Variants in SH2D7 observed in about 807,000 individuals in gnomAD.
The protein encoded by SH2D7 is SH2 domain containing 7.
In SH2D7, 32 loss-of-function variants were observed where a neutral mutation model predicts 40.8. That is an observed-to-expected ratio of 0.78 (90% CI 0.59 to 1.05). SH2D7 has a LOEUF of 1.05. Ranked by LOEUF, SH2D7 falls within the 50% of genes least tolerant of loss-of-function variation. SH2D7 has a pLI of 0.00. For missense variants in SH2D7, 559 were observed against 566.6 expected (o/e 0.99, Z 0.14); for synonymous variants, 195 against 221.5 (o/e 0.88, Z 1.06).
At chr15:78,097,707 C>T (rs974288973) in intron 2 of SH2D7, among the ~76,000 whole-genome samples, 9 of 152,168 alleles carry the variant, frequency 5.9e-5, no homozygotes, top group African/African-American at 2.2e-4. Flanking sequence ...GGCTTAGGTA[C>T]TTCCCAGGAT....
intron 2 of SH2D7, among the ~76,000 whole-genome samples, chr15:78,096,811 A>C (rs757673755): frequency 5.9e-5 from 9 of 152,088 alleles, no homozygotes; most frequent in Non-Finnish European, 8.8e-5. Flanking sequence ...CATTGCAATA[A>C]TTTTAGAAAG....
At chr15:78,090,389 C>A (rs2073933256), upstream of SH2D7, among the ~76,000 whole-genome samples, 1 of 152,038 alleles carries the variant, frequency 6.6e-6, no homozygotes, top group African/African-American at 2.4e-5. Flanking sequence ...GCCTGGGCGA[C>A]AGAGCGAGGC....
intron 4 of SH2D7, among the ~76,000 whole-genome samples, chr15:78,099,805 A>C (rs1410827409): frequency 6.6e-6 from 1 of 151,864 alleles, no homozygotes; most frequent in Non-Finnish European, 1.5e-5. Flanking sequence ...CTTCTAGATC[A>C]TCCTTGAACA....
intron 1 of SH2D7, 73 bp from the exon 2 acceptor site, chr15:78,094,039 G>A: frequency 1.4e-6 from 2 of 1,446,906 alleles, no homozygotes; most frequent in Non-Finnish European, 1.9e-6. Flanking sequence ...GGGATTCCAA[G>A]AGAGGCCTAA....
intron 2 of SH2D7, among the ~76,000 whole-genome samples, chr15:78,097,585 T>C (rs1369699988): frequency 6.6e-6 from 1 of 152,172 alleles, no homozygotes; most frequent in Non-Finnish European, 1.5e-5. Flanking sequence ...TACTGCGTTA[T>C]TAGTTTTCTT....
intron 1 of SH2D7, 82 bp from the exon 2 acceptor site, chr15:78,094,030 G>T: frequency 7.3e-7 from 1 of 1,370,350 alleles, no homozygotes; most frequent in Non-Finnish European, 1.0e-6. Flanking sequence ...TGGCCAGCAG[G>T]GATTCCAAGA....
rs1045607734 is a variant in SH2D7, at chr15:78,103,399, C to T, written c.1306-66C>T. On this transcript the variant is annotated intron_variant, in intron 5 of 5. Coordinates refer to ENST00000328828, the MANE Select transcript of SH2D7 (RefSeq NM_001101404.2). ...CAACCCAAGGTCAATGAGGGGTCCT[C>T]GGAGCCTGGGTCTTTCCCTCCCTGT... 30 of 1,539,008 alleles carry T rather than the reference C, an allele frequency of 1.9e-5. No individual in the cohort carries two copies. The East Asian group carries it at 2.0e-4, about 10-fold the overall frequency.
At chr15:78,099,919 C>T (rs1435842876) in intron 4 of SH2D7, among the ~76,000 whole-genome samples, 2 of 152,172 alleles carry the variant, frequency 1.3e-5, no homozygotes, top group Non-Finnish European at 2.9e-5. Flanking sequence ...AACTGCATTC[C>T]ATTCTCTTCT....
chr15:78,098,922 C>T (rs1677406881), intron 4 of SH2D7, among the ~76,000 whole-genome samples: 1 of 152,176 alleles, frequency 6.6e-6, no homozygotes, highest in African/African-American at 2.4e-5. Flanking sequence ...TATGAAATGC[C>T]TGAATATCCC....
rs1158126988 is a variant in SH2D7 at position 78,097,987 on chromosome 15, A to G, written c.325A>G (p.Ile109Val). ...INQLRNRRYIISGDTQSHSTL... is the reference protein window; with the variant it reads ...INQLRNRRYIVSGDTQSHSTL... ...CCAGCTTCGAAACCGGCGTTACATC[A>G]TCTCAGGAGACACCCAGAGCCACAG... Residue 109 changes from isoleucine (I) to valine (V), a missense_variant, in exon 3 of 6, where the codon ATC becomes GTC. Coordinates refer to ENST00000328828, the MANE Select transcript of SH2D7 (RefSeq NM_001101404.2). The G allele has an allele frequency of 1.9e-6, 3 of 1,611,104 alleles. No homozygotes were observed. The highest frequency in any genetic ancestry group is 2.5e-6 in the Non-Finnish European group (3 of 1,178,708).
At chr15:78,094,223 G>A in intron 2 of SH2D7, 22 bp downstream of exon 2, 1 of 1,593,588 alleles carries the variant, frequency 6.3e-7, no homozygotes, top group Non-Finnish European at 8.5e-7. Flanking sequence ...AGCCCTCTGG[G>A]CAAGCAAGCT....
chr15:78,092,414 C>A (rs572790693), upstream of SH2D7, among the ~76,000 whole-genome samples: 1 of 152,306 alleles, frequency 6.6e-6, no homozygotes, highest in East Asian at 1.9e-4. Context: ...GGTGCCCCAC[C>A]CCAAAGCATC....
upstream of SH2D7, among the ~76,000 whole-genome samples, chr15:78,090,620 TCAC>T (rs1229225695): frequency 4.3e-5 from 5 of 116,820 alleles, no homozygotes; most frequent in Admixed American, 4.7e-4. Flanking sequence ...GAATCTTGCA[TCAC>T]CATCATCATC....
Position 78,103,568 on chromosome 15 carries a change from C to G in SH2D7, c.*53C>G. The G allele has an allele frequency of 6.5e-7, 1 of 1,548,372 alleles. No homozygotes were observed. The highest frequency in any genetic ancestry group is 8.7e-7 in the Non-Finnish European group (1 of 1,144,462). On this transcript the variant is annotated 3_prime_UTR_variant, in exon 6 of 6. Transcript: ENST00000328828. Reference sequence around the variant, plus strand: ...GGGTTTCCTGGTACCCAGGCCATGCCAGGGGTTATCGCAAAGGCCTCAGCT... The same window carrying G: ...GGGTTTCCTGGTACCCAGGCCATGCGAGGGGTTATCGCAAAGGCCTCAGCT...
chr15:78,091,248 A>C (rs1047236799), upstream of SH2D7: 1 of 152,222 alleles, frequency 6.6e-6, no homozygotes, highest in Non-Finnish European at 1.5e-5. Context: ...GGCTTTAAGC[A>C]GGGGAAATGA....
At chr15:78,098,724 A>G in intron 4 of SH2D7, 128 bp downstream of exon 4, 1 of 1,113,798 alleles carries the variant, frequency 9.0e-7, no homozygotes, top group Non-Finnish European at 1.3e-6. Context: ...CCAGGCCCAG[A>G]GGTGCGGACC....
intron 5 of SH2D7, 50 bp downstream of exon 5, chr15:78,101,608 G>T (rs1394648810): frequency 2.0e-6 from 3 of 1,502,536 alleles, no homozygotes; most frequent in Non-Finnish European, 1.8e-6. Flanking sequence ...GAGAGCACCT[G>T]GTGGTAGGAG....
chr15:78,102,287 C>T (rs997789234), intron 5 of SH2D7, among the ~76,000 whole-genome samples: 1 of 152,106 alleles, frequency 6.6e-6, no homozygotes, highest in Non-Finnish European at 1.5e-5. Context: ...AAACAAAAAC[C>T]ATTTTAAAGT....
Position 78,101,485 on chromosome 15 carries a change from A to G in SH2D7, c.1232A>G (p.Glu411Gly). 1 of 1,613,516 alleles carries G rather than the reference A, an allele frequency of 6.2e-7. No individual in the cohort carries two copies. The highest frequency in any genetic ancestry group is 1.3e-5 in the African/African-American group (1 of 75,042). ...HGYKRISGTP[E>G]LSEPGNTYEQ... ...TACAAGAGGATCTCAGGGACCCCAG[A>G]GCTCTCAGAGCCTGGGAACACCTAT... The change falls in exon 5 of 6, where the codon GAG (glutamate) becomes GGG (glycine). Residue 411 changes from glutamate to glycine, a missense_variant. Physicochemically the swap from Glu to Gly is moderately conservative, Grantham distance 98. Coordinates refer to ENST00000328828, the MANE Select transcript of SH2D7 (RefSeq NM_001101404.2).
Sources: gnomAD v4.1 joint callset for allele counts (sites outside exome capture counted in the v4.1 genomes callset) on GRCh38, gnomAD v4.1.1 for gene constraint, MANE v1.5 for transcripts, NCBI Gene and HGNC (gene_info 2026-07-23, HGNC 2026-07-21) for gene names.